ECM2: variants seen among roughly 807,000 people sequenced by gnomAD.
ECM2 encodes the protein extracellular matrix protein 2, female organ and adipocyte specific.
Under a neutral mutation model 67.5 loss-of-function variants are expected in ECM2, and 57 were observed. That is an observed-to-expected ratio of 0.84 (90% CI 0.68 to 1.05). The LOEUF is 1.05. ECM2 is among the 50% of genes least tolerant of loss of function. The pLI is 0.00. For synonymous variants in ECM2, 258 were observed against 294.5 expected (o/e 0.88, Z 1.27); for missense variants, 741 against 822.8 (o/e 0.90, Z 1.22).
In ECM2 at chr9:92,505,596, G is replaced by A; in HGVS notation, c.1401C>T (p.Ala467=). 6.2e-7 allele frequency: 1 copy of A among 1,610,848 alleles called. No individual in the cohort carries two copies. The highest frequency in any genetic ancestry group is 1.3e-5 in the African/African-American group (1 of 74,876). Reference sequence around the variant, plus strand: ...ATTTATTTTTTCCCAGACGCAAGTAGGCTAGGCTCTTCAAAGGTTTGAAAG... The same window carrying A: ...ATTTATTTTTTCCCAGACGCAAGTAAGCTAGGCTCTTCAAAGGTTTGAAAG... ...PLAFKPLKSL[A]YLRLGKNKFR... The change falls in exon 7 of 10, where the codon GCC becomes GCT. Residue 467 remains alanine, a synonymous_variant. Transcript: ENST00000344604.
At chr9:92,510,098 T>C (rs1847245616) in intron 5 of ECM2, 64 bp from the exon 6 acceptor site, 1 of 1,521,472 alleles carries the variant, frequency 6.6e-7, no homozygotes, top group Admixed American at 2.3e-5. Flanking sequence ...ACATTTCATA[T>C]AATGGTCGTG....
intron 8 of ECM2, among the ~76,000 whole-genome samples, chr9:92,501,786 G>T (rs1040724450): frequency 3.9e-5 from 6 of 152,128 alleles, no homozygotes; most frequent in African/African-American, 1.2e-4. Flanking sequence ...TGCTACTTAG[G>T]CACATAGTTC....
the ECM2 span, among the ~76,000 whole-genome samples, chr9:92,542,904 T>A: frequency 1.3e-5 from 2 of 152,260 alleles, no homozygotes; most frequent in Non-Finnish European, 2.9e-5. Flanking sequence ...TGGTGTCAGA[T>A]AAGGATCTAA....
At chr9:92,556,762 G>C in the ECM2 span, among the ~76,000 whole-genome samples, 1 of 152,214 alleles carries the variant, frequency 6.6e-6, no homozygotes, top group Non-Finnish European at 1.5e-5. Flanking sequence ...GCAGCGGATA[G>C]TTGGTTAGTG....
chr9:92,495,689 T>C lies in ECM2; in HGVS notation c.*626A>G, dbSNP rs1846310434. The C allele has an allele frequency of 4.5e-6, 4 of 888,812 alleles. No individual in the cohort carries two copies. The highest frequency in any genetic ancestry group is 4.0e-6 in the Non-Finnish European group (3 of 742,130). 55.1% of individuals were successfully genotyped at this position (888,812 alleles called of 1,614,324 possible). A position where few individuals can be genotyped will look rare whatever the true frequency, so the allele number is the denominator to read the frequency against. On this transcript the variant is annotated 3_prime_UTR_variant, in exon 10 of 10. Coordinates refer to ENST00000344604, the MANE Select transcript of ECM2 (RefSeq NM_001393.4). ...ACACCCTTCTGCCAGCTTTCCTTAA[T>C]GTTAACAATGTACATAACCATAATA...
intron 8 of ECM2, among the ~76,000 whole-genome samples, chr9:92,501,733 T>C (rs980550812): frequency 3.9e-5 from 6 of 152,208 alleles, no homozygotes; most frequent in Non-Finnish European, 8.8e-5. Context: ...TGAGCCCAAT[T>C]GGCCTCTCCA....
At chr9:92,524,131 C>T (rs886675144) in intron 1 of ECM2, among the ~76,000 whole-genome samples, 2 of 152,156 alleles carry the variant, frequency 1.3e-5, no homozygotes, top group Admixed American at 6.5e-5. Context: ...TGATGTAATC[C>T]ACAACCCATT....
At chr9:92,503,908 A>G (rs1846837358) in intron 7 of ECM2, among the ~76,000 whole-genome samples, 1 of 152,218 alleles carries the variant, frequency 6.6e-6, no homozygotes, top group African/African-American at 2.4e-5. Context: ...TTGAGGCTGC[A>G]TGGTTAAGTG....
chr9:92,530,762 A>G (rs1192353158), intron 1 of ECM2, among the ~76,000 whole-genome samples: 1 of 152,090 alleles, frequency 6.6e-6, no homozygotes, highest in Non-Finnish European at 1.5e-5. Context: ...TGAGTATATT[A>G]TGTGGTACTG....
At chr9:92,519,202 C>G (rs575348630) in intron 2 of ECM2, among the ~76,000 whole-genome samples, 4 of 152,308 alleles carry the variant, frequency 2.6e-5, no homozygotes, top group African/African-American at 9.6e-5. Flanking sequence ...CTAATCCCAC[C>G]TACCCAATTC....
At chr9:92,548,984 A>G in the ECM2 span, among the ~76,000 whole-genome samples, 1 of 152,220 alleles carries the variant, frequency 6.6e-6, no homozygotes, top group Non-Finnish European at 1.5e-5. Context: ...TATCCCAAAT[A>G]TCAACACTGA....
At chr9:92,501,205 GCCAGCCCTAGTCTCTTGCA>G (rs774627408) in intron 8 of ECM2, 152 bp from the exon 9 acceptor site, 4 of 761,618 alleles carry the variant, frequency 5.3e-6, no homozygotes, top group Non-Finnish European at 8.3e-6. Flanking sequence ...TCCAGGTATA[GCCAGCCCTAGTCTCTTGCA>G]CCAAGCTGCA....
Position 92,496,568 on chromosome 9 carries a change from T to A in ECM2, c.1932-85A>T, listed in dbSNP as rs1846357391. ...TTAAGTTTAACATTTGTTAAAAAAATTTTGTTCTTAAAATAAAGTTGGATC... is the reference window on the plus strand; with the variant it reads ...TTAAGTTTAACATTTGTTAAAAAAAATTTGTTCTTAAAATAAAGTTGGATC... On this transcript the variant is annotated intron_variant, in intron 9 of 9. Coordinates refer to ENST00000344604, the MANE Select transcript of ECM2 (RefSeq NM_001393.4). 3.9e-6 allele frequency: 6 copies of A among 1,523,524 alleles called. 1 individual carries two copies. Among genetic ancestry groups the A allele is most frequent in the Admixed American group, 4.7e-5 (2 of 42,376 alleles). 94.4% of individuals were successfully genotyped at this position (1,523,524 alleles called of 1,614,324 possible).
rs1418569056 is a variant in ECM2 at position 92,495,458 on chromosome 9, T to G, written c.*857A>C. On this transcript the variant is annotated 3_prime_UTR_variant, in exon 10 of 10. Coordinates refer to ENST00000344604, the MANE Select transcript of ECM2 (RefSeq NM_001393.4). ...AGATGCTATGACCAGTGGTGCAAAA[T>G]TTTTCAAAAATTTATACATTAGATT... 1.0e-6 allele frequency: 1 copy of G among 984,992 alleles called. No homozygotes were observed. Among genetic ancestry groups the G allele is most frequent in the Non-Finnish European group, 1.2e-6 (1 of 829,700 alleles). 61.0% of individuals were successfully genotyped at this position (984,992 alleles called of 1,614,324 possible). A position where few individuals can be genotyped will look rare whatever the true frequency, so the allele number is the denominator to read the frequency against.
At chr9:92,500,586 T>C in intron 9 of ECM2, 141 bp downstream of exon 9, 1 of 766,882 alleles carries the variant, frequency 1.3e-6, no homozygotes, top group Non-Finnish European at 2.1e-6. Context: ...ATTACTAACA[T>C]TTGCCAATCT....
the ECM2 span, among the ~76,000 whole-genome samples, chr9:92,552,015 A>G: frequency 7.8e-5 from 11 of 141,810 alleles, 1 homozygote; most frequent in South Asian, 2.5e-3. Context: ...TATATATATG[A>G]TATGATAGAT....
intron 1 of ECM2, among the ~76,000 whole-genome samples, chr9:92,526,341 C>G (rs1848410313): frequency 6.6e-6 from 1 of 151,874 alleles, no homozygotes; most frequent in African/African-American, 2.4e-5. Flanking sequence ...TGTTTTAAGC[C>G]AAGTGTTATT....
chr9:92,502,801 TGTC>T, intron 7 of ECM2, 149 bp from the exon 8 acceptor site: 12 of 642,612 alleles, frequency 1.9e-5, no homozygotes, highest in South Asian at 8.1e-5. Flanking sequence ...ATTTTTAAGT[TGTC>T]TTTTTTTTTT....
At chr9:92,495,197 G>T, downstream of ECM2, 1 of 330,836 alleles carries the variant, frequency 3.0e-6, no homozygotes, top group Non-Finnish European at 4.3e-6. Context: ...TATGCAATGA[G>T]GCCAACACTG....
Sources: allele counts gnomAD v4.1 joint callset (sites outside exome capture counted in the v4.1 genomes callset), GRCh38; gene constraint gnomAD v4.1.1; transcripts MANE v1.5; gene names NCBI Gene and HGNC (gene_info 2026-07-23, HGNC 2026-07-21).